Variants in SYNDIG1 observed in about 807,000 individuals in gnomAD.
SYNDIG1 encodes the protein synapse differentiation inducing 1, also known as synapse differentiation-inducing gene protein 1.
In SYNDIG1, 9 loss-of-function variants were observed where a neutral mutation model predicts 19.4. The ratio of observed to expected loss-of-function variants is 0.46; its 90% CI spans 0.28 to 0.81. SYNDIG1 has a LOEUF of 0.81. Among genes scored for constraint, SYNDIG1 ranks in the 30% least tolerant of loss-of-function variants. The pLI is 0.12. For synonymous variants in SYNDIG1, 141 were observed against 145.9 expected (o/e 0.97, Z 0.24); for missense variants, 311 against 343.3 (o/e 0.91, Z 0.74).
intron 1 of SYNDIG1, among the ~76,000 whole-genome samples, chr20:24,518,620 G>A (rs181426135): frequency 2.6e-5 from 4 of 152,138 alleles, no homozygotes; most frequent in African/African-American, 9.7e-5. Flanking sequence ...TTCTTGTGAC[G>A]CTCTGGGCAG....
intron 2 of SYNDIG1, among the ~76,000 whole-genome samples, chr20:24,565,974 G>A (rs530318730): frequency 6.6e-5 from 10 of 152,178 alleles, no homozygotes; most frequent in East Asian, 3.9e-4. Context: ...CTGTCTTGCC[G>A]GACACAGTTG....
At chr20:24,571,322 A>G (rs753408353) in intron 2 of SYNDIG1, among the ~76,000 whole-genome samples, 3 of 152,180 alleles carry the variant, frequency 2.0e-5, no homozygotes, top group Non-Finnish European at 1.5e-5. Flanking sequence ...GTGTTATACC[A>G]ATGTCATTTT....
At chr20:24,490,721 T>A (rs1474230201) in intron 1 of SYNDIG1, among the ~76,000 whole-genome samples, 1 of 152,190 alleles carries the variant, frequency 6.6e-6, no homozygotes, top group Admixed American at 6.5e-5. Context: ...ATGTGGGGCC[T>A]CAGCCAAGGC....
chr20:24,600,983 T>C (rs1377590942), intron 3 of SYNDIG1, among the ~76,000 whole-genome samples: 1 of 152,220 alleles, frequency 6.6e-6, no homozygotes, highest in African/African-American at 2.4e-5. Flanking sequence ...TTATCTTGTA[T>C]CAACGGAAAA....
chr20:24,477,735 G>A (rs917487015), intron 1 of SYNDIG1, among the ~76,000 whole-genome samples: 5 of 152,182 alleles, frequency 3.3e-5, no homozygotes, highest in African/African-American at 1.2e-4. Flanking sequence ...CAGAAGGCCA[G>A]GCCAGTGCAT....
chr20:24,579,017 G>A (rs2058278700), intron 2 of SYNDIG1, among the ~76,000 whole-genome samples: 2 of 152,186 alleles, frequency 1.3e-5, no homozygotes, highest in Admixed American at 6.5e-5. Flanking sequence ...ATTGCAAACC[G>A]TACATCACAG....
chr20:24,508,285 G>A (rs1381587351), intron 1 of SYNDIG1, among the ~76,000 whole-genome samples: 1 of 123,954 alleles, frequency 8.1e-6, no homozygotes, highest in Non-Finnish European at 1.6e-5. Context: ...CTGGAGTGCA[G>A]TGGCACAATC....
intron 3 of SYNDIG1, among the ~76,000 whole-genome samples, chr20:24,627,494 G>C (rs770260965): frequency 2.6e-5 from 4 of 152,194 alleles, no homozygotes; most frequent in Non-Finnish European, 2.9e-5. Context: ...CCCTGATTCT[G>C]ATGACCTACC....
intron 3 of SYNDIG1, among the ~76,000 whole-genome samples, chr20:24,611,183 C>A (rs2058841813): frequency 6.6e-6 from 1 of 152,136 alleles, no homozygotes; most frequent in South Asian, 2.1e-4. Flanking sequence ...GGTTGTGAAT[C>A]CCAAACATTC....
chr20:24,595,666 G>C (rs2147096222), intron 3 of SYNDIG1, among the ~76,000 whole-genome samples: 1 of 152,220 alleles, frequency 6.6e-6, no homozygotes, highest in African/African-American at 2.4e-5. Flanking sequence ...TTCAGTTTTG[G>C]AACTCATTAT....
At chr20:24,652,496 C>T (rs569916231) in intron 3 of SYNDIG1, among the ~76,000 whole-genome samples, 35 of 152,316 alleles carry the variant, frequency 2.3e-4, no homozygotes, top group African/African-American at 7.9e-4. Context: ...GTCCAGCCCT[C>T]GGCCTGCTCA....
At chr20:24,483,581 G>T (rs1001499654) in intron 1 of SYNDIG1, among the ~76,000 whole-genome samples, 3 of 152,222 alleles carry the variant, frequency 2.0e-5, no homozygotes, top group Non-Finnish European at 4.4e-5. Context: ...AGCGTGCTCT[G>T]CATTCCCACC....
intron 3 of SYNDIG1, among the ~76,000 whole-genome samples, chr20:24,656,040 T>C (rs574649723): frequency 2.0e-5 from 3 of 152,290 alleles, no homozygotes; most frequent in African/African-American, 7.2e-5. Flanking sequence ...TCTGGGCTGT[T>C]GTAATTCAGC....
At chr20:24,624,050 C>G (rs1163814774) in intron 3 of SYNDIG1, among the ~76,000 whole-genome samples, 1 of 152,084 alleles carries the variant, frequency 6.6e-6, no homozygotes, top group Non-Finnish European at 1.5e-5. Flanking sequence ...ATCACGAAGT[C>G]AGGAGATCAA....
chr20:24,567,368 C>A (rs1353612735), intron 2 of SYNDIG1, among the ~76,000 whole-genome samples: 1 of 152,054 alleles, frequency 6.6e-6, no homozygotes, highest in East Asian at 1.9e-4. Flanking sequence ...TCCCACCTGG[C>A]TGTCTCATTT....
intron 3 of SYNDIG1, among the ~76,000 whole-genome samples, chr20:24,599,143 A>C (rs1208620292): frequency 6.6e-6 from 1 of 152,204 alleles, no homozygotes; most frequent in East Asian, 1.9e-4. Flanking sequence ...AACAGGAAAA[A>C]AACCTACACA....
chr20:24,651,045 C>G (rs1483500392), intron 3 of SYNDIG1, among the ~76,000 whole-genome samples: 1 of 152,076 alleles, frequency 6.6e-6, no homozygotes, highest in Non-Finnish European at 1.5e-5. Context: ...ACCATGTTGC[C>G]CTGGGTAGTC....
intron 2 of SYNDIG1, among the ~76,000 whole-genome samples, chr20:24,570,810 A>G (rs1038353887): frequency 8.5e-5 from 13 of 152,248 alleles, no homozygotes; most frequent in South Asian, 2.1e-4. Context: ...AAAACCTTAC[A>G]TTCACACAAA....
intron 3 of SYNDIG1, among the ~76,000 whole-genome samples, chr20:24,590,370 T>G (rs2058489360): frequency 6.6e-6 from 1 of 151,980 alleles, no homozygotes; most frequent in African/African-American, 2.4e-5. Flanking sequence ...CCGAGACTCT[T>G]TAGGCTGTGA....
Sources: allele counts gnomAD v4.1 joint callset (sites outside exome capture counted in the v4.1 genomes callset), GRCh38; gene constraint gnomAD v4.1.1; transcripts MANE v1.5; gene names NCBI Gene and HGNC (gene_info 2026-07-23, HGNC 2026-07-21).